Variants in IL1RAPL2 observed in about 807,000 individuals in gnomAD.
IL1RAPL2 encodes X-linked interleukin-1 receptor accessory protein-like 2.
In IL1RAPL2, 3 loss-of-function variants were observed where a neutral mutation model predicts 44.1. The observed-to-expected ratio is 0.07, with a 90% CI of 0.03 to 0.18. The LOEUF (loss-of-function observed/expected upper bound fraction) is 0.18. IL1RAPL2 is among the 10% of genes least tolerant of loss of function. The probability of loss-of-function intolerance (pLI) is 1.00; values close to 1 mark genes in which losing one functional copy is unlikely to be tolerated. For synonymous variants in IL1RAPL2, 181 were observed against 178.8 expected, an observed-to-expected ratio of 1.01 and a Z score of -0.10; for missense variants, 391 against 496.4, an observed-to-expected ratio of 0.79 and a Z score of 2.02.
intron 2 of IL1RAPL2, among the ~76,000 whole-genome samples, chrX:105,054,021 A>G (rs917979880): frequency 1.8e-5 from 2 of 111,279 alleles, no homozygotes; most frequent in South Asian, 7.6e-4. Flanking sequence ...TAAAATAAAT[A>G]AAAACAAGAT....
chrX:104,707,712 G>A (rs1367335071), intron 2 of IL1RAPL2, among the ~76,000 whole-genome samples: 1 of 111,626 alleles, frequency 9.0e-6, no homozygotes, highest in African/African-American at 3.2e-5. Flanking sequence ...TTTGAATGAT[G>A]TTTAGAGGAA....
At chrX:104,959,129 T>C (rs766553933) in intron 2 of IL1RAPL2, among the ~76,000 whole-genome samples, 2 of 111,072 alleles carry the variant, frequency 1.8e-5, no homozygotes, top group South Asian at 3.9e-4. Flanking sequence ...CATCTTTTTT[T>C]TTTCTTGCTC....
chrX:105,690,730 A>C (rs1023641737), intron 6 of IL1RAPL2, among the ~76,000 whole-genome samples: 23 of 112,211 alleles, frequency 2.0e-4, no homozygotes, highest in Middle Eastern at 4.6e-3. Flanking sequence ...ATTACATAAG[A>C]ATTTAACCAT....
chrX:105,290,473 T>C (rs780192887), intron 5 of IL1RAPL2, among the ~76,000 whole-genome samples: 1 of 111,488 alleles, frequency 9.0e-6, no homozygotes, highest in South Asian at 3.7e-4. Context: ...GTGCAACTTA[T>C]CCAGAAATAC....
intron 6 of IL1RAPL2, among the ~76,000 whole-genome samples, chrX:105,628,553 G>A (rs2037470273): frequency 8.9e-6 from 1 of 112,496 alleles, no homozygotes; most frequent in Non-Finnish European, 1.9e-5. Context: ...CAGTCAAAGG[G>A]AGAATTCCCA....
chrX:104,933,882 G>C (rs1394355135), intron 2 of IL1RAPL2, among the ~76,000 whole-genome samples: 1 of 111,484 alleles, frequency 9.0e-6, no homozygotes, highest in East Asian at 2.8e-4. Flanking sequence ...GGCAAGCATG[G>C]GATCAAGATA....
Position 105,344,250 on chromosome X carries a change from A to G in IL1RAPL2, c.697+76709A>G, listed in dbSNP as rs183125702. ...GTATTCCTTTTTAAGTTGAGAAATTATAATAGGACAAAGACAGAGTAAAGT... is the reference window on the plus strand; with the variant it reads ...GTATTCCTTTTTAAGTTGAGAAATTGTAATAGGACAAAGACAGAGTAAAGT... On this transcript the variant is annotated intron_variant, in intron 5 of 10. Coordinates refer to ENST00000372582, the MANE Select transcript of IL1RAPL2 (RefSeq NM_017416.2). 5.9e-3 allele frequency among the ~76,000 whole-genome samples: 658 copies of G among 112,055 alleles called. 10 individuals are homozygous for G. The highest frequency in any genetic ancestry group is 0.02 in the African/African-American group (619 of 30,879).
chrX:105,709,387 G>A (rs1972049353), intron 6 of IL1RAPL2, among the ~76,000 whole-genome samples: 1 of 111,986 alleles, frequency 8.9e-6, no homozygotes, highest in African/African-American at 3.2e-5. Context: ...CTGAGGCACA[G>A]AGATTTACAT....
At chrX:105,198,488 T>C (rs1356063273) in intron 3 of IL1RAPL2, among the ~76,000 whole-genome samples, 2 of 112,235 alleles carry the variant, frequency 1.8e-5, no homozygotes, top group Non-Finnish European at 3.8e-5. Flanking sequence ...TAATATAGAG[T>C]TCCTGTACAC....
At chrX:104,786,211 TGTG>T (rs1357359385) in intron 2 of IL1RAPL2, among the ~76,000 whole-genome samples, 3 of 111,626 alleles carry the variant, frequency 2.7e-5, no homozygotes, top group African/African-American at 9.8e-5. Flanking sequence ...CACTGGTAAG[TGTG>T]GTGCAAAGAT....
chrX:105,552,085 G>C (rs1237989179), intron 6 of IL1RAPL2, among the ~76,000 whole-genome samples: 1 of 102,508 alleles, frequency 9.8e-6, no homozygotes, highest in Non-Finnish European at 2.0e-5. Context: ...CAGCCTGGGC[G>C]ACAGAGCCAG....
At chrX:105,324,542 A>G (rs1472983448) in intron 5 of IL1RAPL2, among the ~76,000 whole-genome samples, 4 of 111,402 alleles carry the variant, frequency 3.6e-5, no homozygotes, top group Non-Finnish European at 7.5e-5. Flanking sequence ...ATAGTTATAT[A>G]TATATATGCA....
chrX:105,669,539 A>G (rs982159351), intron 6 of IL1RAPL2, among the ~76,000 whole-genome samples: 4 of 111,512 alleles, frequency 3.6e-5, no homozygotes, highest in African/African-American at 6.5e-5. Context: ...TTTTCTAATT[A>G]ATTTTTAAAT....
chrX:105,747,175 A>T (rs1305537658), intron 8 of IL1RAPL2, among the ~76,000 whole-genome samples: 2 of 109,811 alleles, frequency 1.8e-5, no homozygotes, highest in Admixed American at 2.0e-4. Context: ...AAGCATTGCT[A>T]ATTATGTGGT....
intron 6 of IL1RAPL2, among the ~76,000 whole-genome samples, chrX:105,510,297 ATG>A (rs763767201): frequency 2.7e-5 from 3 of 109,481 alleles, no homozygotes; most frequent in African/African-American, 3.3e-5. Context: ...GGTAATGTGT[ATG>A]TGTGTGTGTG....
intron 1 of IL1RAPL2, among the ~76,000 whole-genome samples, chrX:104,593,889 C>A (rs894633107): frequency 8.0e-5 from 9 of 112,260 alleles, no homozygotes; most frequent in African/African-American, 2.9e-4. Flanking sequence ...CCTAGCGAAG[C>A]CTTTTCTATC....
intron 5 of IL1RAPL2, among the ~76,000 whole-genome samples, chrX:105,275,691 A>C (rs1569416939): frequency 1.8e-5 from 2 of 111,065 alleles, no homozygotes; most frequent in East Asian, 5.6e-4. Flanking sequence ...CACTTCTGGG[A>C]TCTCATTCTG....
At chrX:104,890,881 T>C (rs1298451864) in intron 2 of IL1RAPL2, among the ~76,000 whole-genome samples, 1 of 111,993 alleles carries the variant, frequency 8.9e-6, no homozygotes, top group Non-Finnish European at 1.9e-5. Context: ...CCCATGCCTA[T>C]GTCCTGAATG....
intron 2 of IL1RAPL2, among the ~76,000 whole-genome samples, chrX:104,845,475 A>G (rs1374135455): frequency 8.9e-6 from 1 of 112,177 alleles, no homozygotes; most frequent in Non-Finnish European, 1.9e-5. Context: ...AAAAGAAGAT[A>G]AAGATTTTTA....
Sources: gnomAD v4.1 joint callset for allele counts (sites outside exome capture counted in the v4.1 genomes callset) on GRCh38, gnomAD v4.1.1 for gene constraint, MANE v1.5 for transcripts, NCBI Gene and HGNC (gene_info 2026-07-23, HGNC 2026-07-21) for gene names.